Variants in INPP5A observed in about 807,000 individuals in gnomAD.
INPP5A encodes 43 kDa inositol polyphosphate 5-phophatase.
INPP5A carries 14 observed loss-of-function variants against 65.2 expected under a neutral mutation model. That is an observed-to-expected ratio of 0.21 (90% CI 0.14 to 0.34). The LOEUF (loss-of-function observed/expected upper bound fraction) is 0.34, where lower values mean the gene tolerates loss of function less well. Among genes scored for constraint, INPP5A ranks in the 10% least tolerant of loss-of-function variants. The probability of loss-of-function intolerance (pLI) is 1.00; values close to 1 mark genes in which losing one functional copy is unlikely to be tolerated. For synonymous variants in INPP5A, 207 were observed against 208.3 expected (o/e 0.99, Z 0.05); for missense variants, 431 against 545.6 (o/e 0.79, Z 2.09).
chr10:132,674,442 G>A lies in INPP5A; in HGVS notation c.307-15950G>A, dbSNP rs746912350. ...TGTCATGCTACAGCTGTCCACTTTC[G>A]GGTGGTGCCTGCATACCGTGCAGAA... On this transcript the variant is annotated intron_variant, in intron 4 of 15. Transcript: ENST00000368594. The surrounding 1 kb of genome is among the most constrained non-coding windows in gnomAD (Gnocchi z 4.4). Among the ~76,000 whole-genome samples the A allele has an allele frequency of 7.9e-5, 12 of 152,164 alleles. No individual in the cohort carries two copies. The highest frequency in any genetic ancestry group is 1.5e-4 in the Non-Finnish European group (10 of 68,028).
Position 132,727,666 on chromosome 10 carries a change from A to ACCCGCCCTGGCCCTGCTGCCCT in INPP5A, c.732+763_732+784dup, listed in dbSNP as rs1846009889. Among the ~76,000 whole-genome samples, 1 of 149,146 alleles carries ACCCGCCCTGGCCCTGCTGCCCT rather than the reference A, an allele frequency of 6.7e-6. No homozygotes were observed. The highest frequency in any genetic ancestry group is 2.5e-5 in the African/African-American group (1 of 40,748). On this transcript the variant is annotated intron_variant, in intron 9 of 15. Transcript: ENST00000368594. The surrounding 1 kb of genome is among the most constrained non-coding windows in gnomAD (Gnocchi z 6.5). ...GGAAATGGTGGAGCACCTGTTGCCC[A>ACCCGCCCTGGCCCTGCTGCCCT]CCCGCCCTGGCCCTGCTGCCCTCAC...
chr10:132,759,943 G>A (rs1041030448), intron 11 of INPP5A, among the ~76,000 whole-genome samples: 3 of 152,286 alleles, frequency 2.0e-5, no homozygotes, highest in African/African-American at 7.2e-5. Context: ...ACTCACTCAG[G>A]GCTGCGGCCT....
intron 1 of INPP5A, among the ~76,000 whole-genome samples, chr10:132,597,166 C>T (rs1480657085): frequency 1.4e-4 from 21 of 151,928 alleles, no homozygotes; most frequent in African/African-American, 2.4e-4. Flanking sequence ...AGTGTGTGTG[C>T]GCATGTGTGC....
chr10:132,623,478 A>G (rs2072134689), intron 2 of INPP5A, among the ~76,000 whole-genome samples: 1 of 152,150 alleles, frequency 6.6e-6, no homozygotes, highest in Non-Finnish European at 1.5e-5. Context: ...ACTTTATACC[A>G]TACACAAAAA....
Position 132,697,258 on chromosome 10 carries a change from C to T in INPP5A, c.371-558C>T, listed in dbSNP as rs542343970. Among the ~76,000 whole-genome samples the T allele has an allele frequency of 3.3e-5, 5 of 152,368 alleles. No homozygotes were observed. The highest frequency in any genetic ancestry group is 9.6e-5 in the African/African-American group (4 of 41,594). ...GGCCTGGTTGTGAACAATAGTGAGA[C>T]GGGCCCTGCCCATGGCGAGGCCTGT... On this transcript the variant is annotated intron_variant, in intron 5 of 15. Transcript: ENST00000368594. The surrounding 1 kb of genome is among the most constrained non-coding windows in gnomAD (Gnocchi z 5.6).
chr10:132,710,274 G>A, intron 7 of INPP5A, 63 bp from the exon 8 acceptor site: 3 of 1,577,940 alleles, frequency 1.9e-6, no homozygotes, highest in Non-Finnish European at 2.6e-6. Flanking sequence ...CTCCTTGGGA[G>A]AACGAAGTGT....
At chr10:132,643,165 A>G (rs1401815254) in intron 2 of INPP5A, among the ~76,000 whole-genome samples, 2 of 152,238 alleles carry the variant, frequency 1.3e-5, no homozygotes, top group African/African-American at 2.4e-5. Flanking sequence ...CCATAGAGGT[A>G]TGGTTTAATC....
At position 132,707,298 on chromosome 10, in the gene INPP5A, G is replaced by A. The variant is rs1040078480; in HGVS notation, c.475-1015G>A. ...CAGGCATATGGCTGCTGCTGGGAAC[G>A]GAATGGGCGGTGCCCTGCCCTGTTG... is the stretch of plus-strand genomic sequence containing the variant. On this transcript the variant is annotated intron_variant, in intron 6 of 15. Transcript: ENST00000368594. The surrounding 1 kb of genome is among the most constrained non-coding windows in gnomAD (Gnocchi z 5.5). Among the ~76,000 whole-genome samples the A allele has an allele frequency of 2.0e-5, 3 of 152,114 alleles. No homozygotes were observed. The highest frequency in any genetic ancestry group is 4.4e-5 in the Non-Finnish European group (3 of 68,030).
intron 6 of INPP5A, among the ~76,000 whole-genome samples, chr10:132,700,242 C>T (rs1039412323): frequency 6.6e-6 from 1 of 152,244 alleles, no homozygotes; most frequent in African/African-American, 2.4e-5. Context: ...TGTGTGGACC[C>T]GTCTCTCCCC....
intron 2 of INPP5A, among the ~76,000 whole-genome samples, chr10:132,631,639 G>T (rs996352744): frequency 6.6e-6 from 1 of 152,238 alleles, no homozygotes; most frequent in Non-Finnish European, 1.5e-5. Context: ...TGGCCGTGCC[G>T]ATGGACGTGG....
chr10:132,611,565 A>T (rs1169192242), intron 2 of INPP5A, among the ~76,000 whole-genome samples: 1 of 34,388 alleles, frequency 2.9e-5, no homozygotes, highest in Non-Finnish European at 5.7e-5. Context: ...GTGAGGTGGG[A>T]AGGGGAGAGG....
At chr10:132,607,883 G>A (rs942005893) in intron 1 of INPP5A, 32 bp from the exon 2 acceptor site, 2 of 1,601,038 alleles carry the variant, frequency 1.2e-6, no homozygotes, top group African/African-American at 1.3e-5. Flanking sequence ...CCATTGGTCT[G>A]ACTGGCTTTT....
At chr10:132,669,587 A>T (rs1258809965) in intron 4 of INPP5A, among the ~76,000 whole-genome samples, 2 of 152,188 alleles carry the variant, frequency 1.3e-5, no homozygotes, top group Admixed American at 6.5e-5. Flanking sequence ...TGCGTCCTTG[A>T]AAGTGGTTCT....
In INPP5A at chr10:132,781,826, C is replaced by G. The variant is rs200972994; in HGVS notation, c.1159-35C>G. 2.5e-5 allele frequency: 39 copies of G among 1,568,776 alleles called. No homozygotes were observed. The African/African-American group carries it at 5.1e-4, about 21-fold the overall frequency. The stretch of plus-strand genomic sequence containing the variant: ...GGCATGTGCTGTGCTGTCCCGCGTG[C>G]GCCGTGCTGACACCGTCCTCTCTTC... On this transcript the variant is annotated intron_variant, in intron 14 of 15. Coordinates refer to ENST00000368594, the MANE Select transcript of INPP5A (RefSeq NM_005539.5).
chr10:132,708,487 C>T (rs774828229), intron 7 of INPP5A, 122 bp downstream of exon 7: 1 of 931,382 alleles, frequency 1.1e-6, no homozygotes, highest in Non-Finnish European at 1.8e-6. Flanking sequence ...GGACCCCCAG[C>T]TGCCTGACCC....
chr10:132,755,604 ATGAG>A (rs373541707), intron 11 of INPP5A, among the ~76,000 whole-genome samples: 18 of 148,264 alleles, frequency 1.2e-4, no homozygotes, highest in East Asian at 8.2e-4. Context: ...GCATATGCAT[ATGAG>A]TGAGTGGGTG....
chr10:132,597,544 C>T (rs2071718868), intron 1 of INPP5A, among the ~76,000 whole-genome samples: 1 of 152,214 alleles, frequency 6.6e-6, no homozygotes. Context: ...TCTTACACAT[C>T]TTCAGGAATG....
intron 1 of INPP5A, among the ~76,000 whole-genome samples, chr10:132,580,455 T>A (rs2133298929): frequency 6.6e-6 from 1 of 152,310 alleles, no homozygotes; most frequent in African/African-American, 2.4e-5. Context: ...CCATGTTTCC[T>A]GTACAGACTG....
At chr10:132,654,114 G>A (rs1181662450) in intron 4 of INPP5A, among the ~76,000 whole-genome samples, 4 of 152,258 alleles carry the variant, frequency 2.6e-5, no homozygotes, top group Non-Finnish European at 5.9e-5. Context: ...CACGATGAGG[G>A]TTTCCGGAAA....
Sources: allele counts gnomAD v4.1 joint callset (sites outside exome capture counted in the v4.1 genomes callset), GRCh38; gene constraint gnomAD v4.1.1; non-coding constraint Gnocchi (gnomAD v3.1); transcripts MANE v1.5; gene names NCBI Gene and HGNC (gene_info 2026-07-23, HGNC 2026-07-21).